Variants in THY1 observed in about 807,000 individuals in gnomAD.
THY1 encodes thy-1 membrane glycoprotein.
Under a neutral mutation model 14.9 loss-of-function variants are expected in THY1, and 10 were observed. That is an observed-to-expected ratio of 0.67 (90% CI 0.41 to 1.14). The LOEUF is 1.14. Among genes scored for constraint, THY1 ranks in the 50% most tolerant of loss-of-function variants. The pLI, the probability that THY1 is intolerant of heterozygous loss-of-function variation, is 0.00. For synonymous variants in THY1, 80 were observed against 90.0 expected, an observed-to-expected ratio of 0.89 and a Z score of 0.63; for missense variants, 159 against 202.1, an observed-to-expected ratio of 0.79 and a Z score of 1.29.
At chr11:119,421,328 T>C in intron 1 of THY1, 1 of 159,508 alleles carries the variant, frequency 6.3e-6, no homozygotes, top group Non-Finnish European at 1.4e-5. Context: ...TAATTACTAT[T>C]TTAACCATTT....
At chr11:119,420,680 G>T in intron 2 of THY1, 189 bp downstream of exon 2, 1 of 752,882 alleles carries the variant, frequency 1.3e-6, no homozygotes, top group Non-Finnish European at 2.2e-6. Context: ...GGAGGGCTCA[G>T]CAAACTGTGT....
chr11:119,423,604 A>G (rs55997940), upstream of THY1: 1,409 of 200,338 alleles, frequency 7.0e-3, 4 homozygotes, highest in Non-Finnish European at 0.011. Flanking sequence ...GCTGGAGCCC[A>G]CCTCCTCCGG....
intron 2 of THY1, 167 bp downstream of exon 2, chr11:119,420,702 A>T: frequency 2.3e-6 from 2 of 879,430 alleles, no homozygotes; most frequent in East Asian, 2.4e-5. Context: ...TTCAAAAACC[A>T]CCTCAGGCCG....
At chr11:119,423,074 G>T in intron 1 of THY1, 39 bp downstream of exon 1, 1 of 456,048 alleles carries the variant, frequency 2.2e-6, no homozygotes, top group Non-Finnish European at 4.4e-6. Context: ...GCCTGACGGC[G>T]GTCCCCGAGC....
Position 119,418,417 on chromosome 11 carries a change from T to C in THY1, c.*991A>G, listed in dbSNP as rs922065670. 9 of 152,342 alleles carry C rather than the reference T, an allele frequency of 5.9e-5. No homozygotes were observed. 9.4% of individuals were successfully genotyped at this position (152,342 alleles called of 1,614,324 possible). ...CGGGGCAGGGGGCTGTCTGAGGGGC[T>C]CAGGCACCAGCCAGCAGGGGCTGGC... On this transcript the variant is annotated 3_prime_UTR_variant, in exon 4 of 4. Coordinates refer to ENST00000284240, the MANE Select transcript of THY1 (RefSeq NM_006288.5).
In THY1 at chr11:119,417,960, T is replaced by C. The variant is rs1394975045; in HGVS notation, c.*1448A>G. The C allele has an allele frequency of 6.6e-6, 1 of 152,210 alleles. No individual in the cohort carries two copies. 9.4% of individuals were successfully genotyped at this position (152,210 alleles called of 1,614,324 possible). A position where few individuals can be genotyped will look rare whatever the true frequency, so the allele number is the denominator to read the frequency against. ...GCCAGGTGAGTCAGCAGACATGGGA[T>C]GTTCGTTTATTTGGGCAAATGTGTC... On this transcript the variant is annotated 3_prime_UTR_variant, in exon 4 of 4. Coordinates refer to ENST00000284240, the MANE Select transcript of THY1 (RefSeq NM_006288.5).
chr11:119,422,680 C>T lies in THY1; in HGVS notation c.-25+433G>A, dbSNP rs1267634213. 1 of 234,482 alleles carries T rather than the reference C, an allele frequency of 4.3e-6. No homozygotes were observed. The highest frequency in any genetic ancestry group is 2.4e-5 in the African/African-American group (1 of 42,356). 14.5% of individuals were successfully genotyped at this position (234,482 alleles called of 1,614,324 possible). ...TTCCTTCTCCTCCGGTGCCCCGCAC[C>T]CAGCCCGCCGCGAGGTCACCCGGCA... On this transcript the variant is annotated intron_variant, in intron 1 of 3. Coordinates refer to ENST00000284240, the MANE Select transcript of THY1 (RefSeq NM_006288.5). The surrounding 1 kb of genome is among the most constrained non-coding windows in gnomAD (Gnocchi z 7.0).
chr11:119,424,648 T>C (rs1412226787), upstream of THY1, among the ~76,000 whole-genome samples: 1 of 152,094 alleles, frequency 6.6e-6, no homozygotes, highest in African/African-American at 2.4e-5. Context: ...TTATGAAAAA[T>C]GCAGCTGGCC....
chr11:119,420,601 A>C (rs1174003827), intron 2 of THY1: 1 of 632,278 alleles, frequency 1.6e-6, no homozygotes, highest in East Asian at 2.7e-5. Flanking sequence ...TGTTTCAAGG[A>C]CAGGAGATCT....
chr11:119,423,811 GCTCTGGGCATTA>G (rs1861963781), upstream of THY1: 1 of 153,186 alleles, frequency 6.5e-6, no homozygotes, highest in Non-Finnish European at 1.5e-5. Flanking sequence ...GGCGCTTTTT[GCTCTGGGCATTA>G]CGTCTTCTTC....
At position 119,420,076 on chromosome 11, in the gene THY1, G is replaced by A; in HGVS notation, c.348C>T (p.Ser116=). ...CTCTGAGCACTGTGACGTTCTGGGA[G>A]GAGATGGGTGGGGAATGGCCAGAGT... ...LHHSGHSPPI[S]SQNVTVLRDK... The change falls in exon 3 of 4, where the codon TCC becomes TCT. Residue 116 remains serine, a synonymous_variant. Transcript: ENST00000284240. 6.2e-7 allele frequency: 1 copy of A among 1,613,946 alleles called. No homozygotes were observed. The highest frequency in any genetic ancestry group is 1.7e-5 in the Admixed American group (1 of 60,024).
rs909602746 is a variant in THY1, at chr11:119,420,168, T to C, written c.256A>G (p.Met86Val). The change falls in exon 3 of 4, where the codon ATG becomes GTG. Residue 86 changes from methionine (M) to valine (V), a missense_variant. By Grantham distance (21) the Met-to-Val change is conservative. Coordinates refer to ENST00000284240, the MANE Select transcript of THY1 (RefSeq NM_006288.5). ...SRTNFTSKYN[M>V]KVLYLSAFTS... ...AAGGCGGATAAGTAGAGGACCTTCA[T>C]GTTGTATTTGCTGGTGAAGTTGGTT... is the stretch of plus-strand genomic sequence containing the variant. 1 of 1,614,178 alleles carries C rather than the reference T, an allele frequency of 6.2e-7. No individual in the cohort carries two copies. Among genetic ancestry groups the C allele is most frequent in the Non-Finnish European group, 8.5e-7 (1 of 1,180,018 alleles).
At position 119,416,879 on chromosome 11, in the gene THY1, T is replaced by C. The variant is rs1411810388; in HGVS notation, c.*2529A>G. ...ATCTCACCCACTGTGGGCCTCAGGT[T>C]CCGCTCCCCTAAACATGGCTGCAGA... On this transcript the variant is annotated 3_prime_UTR_variant, in exon 4 of 4. Coordinates refer to ENST00000284240, the MANE Select transcript of THY1 (RefSeq NM_006288.5). 6.6e-6 allele frequency among the ~76,000 whole-genome samples: 1 copy of C among 152,198 alleles called. No homozygotes were observed. Among genetic ancestry groups the C allele is most frequent in the African/African-American group, 2.4e-5 (1 of 41,434 alleles).
chr11:119,421,816 A>C (rs1861906768), intron 1 of THY1: 1 of 152,236 alleles, frequency 6.6e-6, no homozygotes, highest in Non-Finnish European at 1.5e-5. Context: ...AGAGAAAGAC[A>C]TAGTGATCTC....
rs1036692804 is a variant in THY1 at position 119,416,434 on chromosome 11, G to A, written c.*2974C>T. ...TCGCGGCCTGTGGCTGAAAGTCTGC[G>A]GGCTCCCAGTCCTCAGCATGGTCAT... On this transcript the variant is annotated 3_prime_UTR_variant, in exon 4 of 4. Transcript: ENST00000284240. 2.0e-5 allele frequency among the ~76,000 whole-genome samples: 3 copies of A among 152,184 alleles called. No homozygotes were observed. Among genetic ancestry groups the A allele is most frequent in the Non-Finnish European group, 2.9e-5 (2 of 68,034 alleles).
Position 119,419,444 on chromosome 11 carries a change from G to C in THY1, c.450C>G (p.Leu150=), listed in dbSNP as rs1174195222. ...TGAAATCCGTGGCCTGGAGGAGGGAGAGGGAGAGCAGGAGCAGCAGCAGCC... is the reference window on the plus strand; with the variant it reads ...TGAAATCCGTGGCCTGGAGGAGGGACAGGGAGAGCAGGAGCAGCAGCAGCC... ...TSWLLLLLLS[L]SLLQATDFMS... is the part of the protein sequence containing the mutation. Residue 150 remains leucine (L), a synonymous_variant, in exon 4 of 4, where the codon CTC becomes CTG. Transcript: ENST00000284240. 1 of 1,614,084 alleles carries C rather than the reference G, an allele frequency of 6.2e-7. No individual in the cohort carries two copies. The highest frequency in any genetic ancestry group is 1.7e-5 in the Admixed American group (1 of 60,026).
In THY1 at chr11:119,423,046, G is replaced by C. The variant is rs1194032343; in HGVS notation, c.-25+67C>G. On this transcript the variant is annotated intron_variant, in intron 1 of 3. Transcript: ENST00000284240. ...GGACCGTGGCCCGAAGCCTAGTGTT[G>C]GGAAGTCTTGCATGGGCGCCTGACG... is the stretch of plus-strand genomic sequence containing the variant. 5.7e-5 allele frequency: 26 copies of C among 455,912 alleles called. No homozygotes were observed. The Admixed American group carries it at 6.1e-4, about 11-fold the overall frequency. 28.2% of individuals were successfully genotyped at this position (455,912 alleles called of 1,614,324 possible).
At position 119,420,850 on chromosome 11, in the gene THY1, C is replaced by G. The variant is rs1861886200; in HGVS notation, c.37+19G>C. 1 of 1,614,122 alleles carries G rather than the reference C, an allele frequency of 6.2e-7. No homozygotes were observed. Among genetic ancestry groups the G allele is most frequent in the South Asian group, 1.1e-5 (1 of 91,066 alleles). ...AAGCCAGGGCGCCTGGAGCCCCAGT[C>G]CTGCCCCATGCCGGGTACCTGTTAG... On this transcript the variant is annotated intron_variant, in intron 2 of 3. Transcript: ENST00000284240.
intron 3 of THY1, 142 bp downstream of exon 3, chr11:119,419,883 ACCCCATTCACACCGAAGGCAATGGTT>A (rs1861862105): frequency 7.8e-6 from 6 of 770,124 alleles, no homozygotes; most frequent in Non-Finnish European, 1.2e-5. Context: ...TGAGCTCTTC[ACCCCATTCACACCGAAGGCAATGGTT>A]CCCCAGTTGA....
Sources: allele counts gnomAD v4.1 joint callset (sites outside exome capture counted in the v4.1 genomes callset), GRCh38; gene constraint gnomAD v4.1.1; non-coding constraint Gnocchi (gnomAD v3.1); transcripts MANE v1.5; gene names NCBI Gene and HGNC (gene_info 2026-07-23, HGNC 2026-07-21).